Variants in GABRG1 observed in about 807,000 individuals in gnomAD.
GABRG1 encodes the protein gamma-aminobutyric acid type A receptor subunit gamma1, also known as gamma-aminobutyric acid receptor subunit gamma-1.
Under a neutral mutation model 49.8 loss-of-function variants are expected in GABRG1, and 49 were observed. The ratio of observed to expected loss-of-function variants is 0.98; its 90% CI spans 0.78 to 1.25. The LOEUF (loss-of-function observed/expected upper bound fraction) is 1.25, where lower values mean the gene tolerates loss of function less well. Ranked by LOEUF, GABRG1 falls within the 50% of genes most tolerant of loss-of-function variation. GABRG1 has a pLI of 0.00. For synonymous variants in GABRG1, 232 were observed against 185.1 expected (o/e 1.25, Z -2.06); for missense variants, 552 against 552.3 (o/e 1.00, Z 0.01).
chr4:46,096,371 G>A (rs1036132456), intron 2 of GABRG1, among the ~76,000 whole-genome samples: 1 of 151,420 alleles, frequency 6.6e-6, no homozygotes, highest in South Asian at 2.1e-4. Context: ...ATAAAAGTAC[G>A]AAGGTAAAAC....
Position 46,036,839 on chromosome 4 carries a change from A to G in GABRG1, c.*4149T>C, listed in dbSNP as rs1169932037. 2.0e-5 allele frequency: 3 copies of G among 151,962 alleles called. No individual in the cohort carries two copies. The highest frequency in any genetic ancestry group is 4.4e-5 in the Non-Finnish European group (3 of 67,892). 9.4% of individuals were successfully genotyped at this position (151,962 alleles called of 1,614,324 possible). The stretch of plus-strand genomic sequence containing the variant: ...ACTCAAGTATCTCTGTGAACTTTTT[A>G]TGACTTCGTAATTTCCCCTAGCCTC... On this transcript the variant is annotated 3_prime_UTR_variant, in exon 9 of 9. Transcript: ENST00000295452.
At chr4:46,086,884 A>T (rs1351876998) in intron 2 of GABRG1, among the ~76,000 whole-genome samples, 2 of 151,610 alleles carry the variant, frequency 1.3e-5, no homozygotes, top group Non-Finnish European at 3.0e-5. Context: ...TTATTGTGAA[A>T]GCAAGTTTTT....
chr4:46,084,676 T>G (rs1284048319), intron 2 of GABRG1, among the ~76,000 whole-genome samples: 1 of 151,674 alleles, frequency 6.6e-6, no homozygotes, highest in African/African-American at 2.4e-5. Flanking sequence ...AAGCAAAAAT[T>G]TTATTATATT....
intron 1 of GABRG1, among the ~76,000 whole-genome samples, chr4:46,122,080 A>G (rs1290169453): frequency 6.6e-6 from 1 of 152,170 alleles, no homozygotes; most frequent in East Asian, 1.9e-4. Flanking sequence ...GTGTTCAGAG[A>G]GGTTAAAGGC....
chr4:46,105,772 G>A (rs73144893), intron 1 of GABRG1, among the ~76,000 whole-genome samples: 6,830 of 141,364 alleles, frequency 0.048, 284 homozygotes, highest in African/African-American at 0.086. Flanking sequence ...ATAGATAGAT[G>A]GATGGATGGG....
intron 1 of GABRG1, among the ~76,000 whole-genome samples, chr4:46,116,459 T>C (rs1720890436): frequency 6.6e-6 from 1 of 150,766 alleles, no homozygotes; most frequent in African/African-American, 2.4e-5. Flanking sequence ...AGATACATTC[T>C]TCAAGGCTGC....
intron 1 of GABRG1, among the ~76,000 whole-genome samples, chr4:46,097,832 G>A (rs1333664083): frequency 6.6e-6 from 1 of 151,612 alleles, no homozygotes; most frequent in Non-Finnish European, 1.5e-5. Flanking sequence ...GTAAAGGAAG[G>A]TTTGAATAAA....
At position 46,123,200 on chromosome 4, in the gene GABRG1, T is replaced by TA. The variant is rs11310859; in HGVS notation, c.104+609dup. ...TTAATTACTGATGGACAGCCAATTT[T>TA]AAAAAAAAACACTCAAAGCTGGTTC... On this transcript the variant is annotated intron_variant, in intron 1 of 8. Coordinates refer to ENST00000295452, the MANE Select transcript of GABRG1 (RefSeq NM_173536.4). Among the ~76,000 whole-genome samples, 82 of 149,434 alleles carry TA rather than the reference T, an allele frequency of 5.5e-4. No homozygotes were observed. In the East Asian group the frequency reaches 8.5e-3, roughly 15 times the overall value.
chr4:46,048,823 T>TTTATCAATTTATATTTTTAGGTGG, intron 8 of GABRG1, among the ~76,000 whole-genome samples: 1 of 151,968 alleles, frequency 6.6e-6, no homozygotes, highest in South Asian at 2.1e-4. Flanking sequence ...AAAACGGGTG[T>TTTATCAATTTATATTTTTAGGTGG]TTATCAATTT....
At chr4:46,099,404 G>C (rs1334805521) in intron 1 of GABRG1, among the ~76,000 whole-genome samples, 1 of 151,696 alleles carries the variant, frequency 6.6e-6, no homozygotes, top group Non-Finnish European at 1.5e-5. Flanking sequence ...GACTTGGACA[G>C]AGCCACAGCT....
intron 3 of GABRG1, among the ~76,000 whole-genome samples, chr4:46,076,815 A>G (rs1043152390): frequency 2.0e-5 from 3 of 151,808 alleles, no homozygotes; most frequent in Non-Finnish European, 2.9e-5. Context: ...AAAAAATTCA[A>G]AAAATTTTTG....
At chr4:46,096,400 C>T (rs992152297) in intron 2 of GABRG1, among the ~76,000 whole-genome samples, 5 of 151,488 alleles carry the variant, frequency 3.3e-5, no homozygotes, top group African/African-American at 1.2e-4. Flanking sequence ...AAACAGGAAG[C>T]TTCCAAAATA....
At chr4:46,099,456 T>C (rs1324330046) in intron 1 of GABRG1, among the ~76,000 whole-genome samples, 1 of 151,764 alleles carries the variant, frequency 6.6e-6, no homozygotes, top group African/African-American at 2.4e-5. Flanking sequence ...CATAAACATT[T>C]AGGGTTGGAA....
chr4:46,039,883 T>C lies in GABRG1; in HGVS notation c.*1105A>G, dbSNP rs1168761117. On this transcript the variant is annotated 3_prime_UTR_variant, in exon 9 of 9. Coordinates refer to ENST00000295452, the MANE Select transcript of GABRG1 (RefSeq NM_173536.4). ...AAAAAAAGAATATTATAATAATGTA[T>C]AATGTAGTTGCAAAACTGACAGGGT... 1 of 151,672 alleles carries C rather than the reference T, an allele frequency of 6.6e-6. No homozygotes were observed. The highest frequency in any genetic ancestry group is 1.5e-5 in the Non-Finnish European group (1 of 67,782). The allele number at this position is 151,672 out of a possible 1,614,324, so 9.4% of individuals were successfully genotyped here. A position where few individuals can be genotyped will look rare whatever the true frequency, so the allele number is the denominator to read the frequency against.
intron 1 of GABRG1, 114 bp downstream of exon 1, chr4:46,123,696 T>C: frequency 2.9e-6 from 2 of 685,230 alleles, no homozygotes; most frequent in Non-Finnish European, 5.1e-6. Context: ...ATACCACATA[T>C]GTGTTAGGAA....
At position 46,037,348 on chromosome 4, in the gene GABRG1, T is replaced by G. The variant is rs891676192; in HGVS notation, c.*3640A>C. On this transcript the variant is annotated 3_prime_UTR_variant, in exon 9 of 9. Coordinates refer to ENST00000295452, the MANE Select transcript of GABRG1 (RefSeq NM_173536.4). ...TCCATTTGGAAAGTCCTTGATAAAG[T>G]TTGGTAATGGTTTTTGTAACTGTAT... The G allele has an allele frequency of 3.3e-5, 5 of 151,928 alleles. No homozygotes were observed. The highest frequency in any genetic ancestry group is 1.2e-4 in the African/African-American group (5 of 41,530). 9.4% of individuals were successfully genotyped at this position (151,928 alleles called of 1,614,324 possible). A position where few individuals can be genotyped will look rare whatever the true frequency, so the allele number is the denominator to read the frequency against.
chr4:46,090,161 A>G (rs1719926642), intron 2 of GABRG1, among the ~76,000 whole-genome samples: 1 of 152,066 alleles, frequency 6.6e-6, no homozygotes, highest in Admixed American at 6.6e-5. Flanking sequence ...TACAAAAATT[A>G]CTTCAACAAT....
intron 1 of GABRG1, among the ~76,000 whole-genome samples, chr4:46,107,558 A>G (rs1720591547): frequency 6.7e-6 from 1 of 149,214 alleles, no homozygotes; most frequent in Non-Finnish European, 1.5e-5. Context: ...TCTTTTTCTT[A>G]TTGCTTCCTA....
intron 1 of GABRG1, among the ~76,000 whole-genome samples, chr4:46,121,478 G>T (rs1440307973): frequency 2.0e-5 from 3 of 151,900 alleles, no homozygotes; most frequent in Non-Finnish European, 1.5e-5. Flanking sequence ...GCAAAAGCAT[G>T]CTTTATTTCC....
Sources: gnomAD v4.1 joint callset for allele counts (sites outside exome capture counted in the v4.1 genomes callset) on GRCh38, gnomAD v4.1.1 for gene constraint, MANE v1.5 for transcripts, NCBI Gene and HGNC (gene_info 2026-07-23, HGNC 2026-07-21) for gene names.